The following TENM2 variants were observed in gnomAD, a reference collection of about 807,000 sequenced individuals.
TENM2 encodes teneurin transmembrane protein 2, also known as teneurin-2.
Under a neutral mutation model 245.2 loss-of-function variants are expected in TENM2, and 52 were observed. The observed-to-expected ratio is 0.21, with a 90% CI of 0.17 to 0.27. The LOEUF is 0.27. Among genes scored for constraint, TENM2 ranks in the 10% least tolerant of loss-of-function variants. The pLI, the probability that TENM2 is intolerant of heterozygous loss-of-function variation, is 1.00. For synonymous variants in TENM2, 1,363 were observed against 1,438.9 expected (o/e 0.95, Z 1.19); for missense variants, 3,046 against 3,666.8 (o/e 0.83, Z 4.37).
chr5:168,160,288 C>T (rs1053394102), intron 12 of TENM2, among the ~76,000 whole-genome samples: 10 of 152,138 alleles, frequency 6.6e-5, no homozygotes, highest in South Asian at 2.1e-4. Context: ...CAACTGGGGA[C>T]GGCTTTCCCT....
intron 6 of TENM2, among the ~76,000 whole-genome samples, chr5:168,058,163 C>G (rs1789720780): frequency 6.6e-6 from 1 of 152,196 alleles, no homozygotes; most frequent in Non-Finnish European, 1.5e-5. Flanking sequence ...TCGGCCTAGA[C>G]CGCAGCACAT....
In TENM2 at chr5:168,039,581, G is replaced by T. The variant is rs138129453; in HGVS notation, c.1187-7846G>T. ...GGAAAAAAATTGCAGCAGGAACGGG[G>T]TGGTCTGCGGTGGGAAACGACACTC... On this transcript the variant is annotated intron_variant, in intron 5 of 28. Coordinates refer to ENST00000518659, the Ensembl canonical transcript of TENM2. 7.2e-5 allele frequency among the ~76,000 whole-genome samples: 11 copies of T among 152,162 alleles called. No individual in the cohort carries two copies. In the East Asian group the frequency reaches 2.1e-3, roughly 29 times the overall value.
the TENM2 span, among the ~76,000 whole-genome samples, chr5:167,131,141 A>G: frequency 1.3e-5 from 2 of 152,100 alleles, no homozygotes; most frequent in African/African-American, 2.4e-5. Context: ...ATATCTCATC[A>G]TGGTTAGGTT....
chr5:167,555,517 C>A (rs1291846649), intron 2 of TENM2, among the ~76,000 whole-genome samples: 2 of 152,136 alleles, frequency 1.3e-5, no homozygotes, highest in Non-Finnish European at 2.9e-5. Flanking sequence ...GCTTTTTGTA[C>A]AACATAAGAA....
chr5:167,141,037 GC>G, the TENM2 span, among the ~76,000 whole-genome samples: 2 of 152,232 alleles, frequency 1.3e-5, no homozygotes, highest in East Asian at 3.9e-4. Flanking sequence ...TTTGCCTTCT[GC>G]CCCTGTCAGT....
chr5:167,644,271 C>T (rs2150260698), intron 2 of TENM2, among the ~76,000 whole-genome samples: 1 of 152,312 alleles, frequency 6.6e-6, no homozygotes, highest in East Asian at 1.9e-4. Context: ...AGGTGTTTCA[C>T]ATGAAATTCC....
chr5:168,189,662 A>G lies in TENM2; in HGVS notation c.2570-675A>G, dbSNP rs34094488. ...TAATACTCTCAGCACCCAGGTTTCC[A>G]ATTGGTCAGCAGTTCCCTTCCTGGC... is the stretch of plus-strand genomic sequence containing the variant. On this transcript the variant is annotated intron_variant, in intron 13 of 28. Coordinates refer to ENST00000518659, the Ensembl canonical transcript of TENM2. 1.9e-3 allele frequency among the ~76,000 whole-genome samples: 295 copies of G among 152,340 alleles called. 1 individual carries two copies. The highest frequency in any genetic ancestry group is 3.4e-3 in the Middle Eastern group (1 of 294).
intron 2 of TENM2, among the ~76,000 whole-genome samples, chr5:167,778,795 T>C (rs1019766832): frequency 6.6e-5 from 10 of 152,242 alleles, no homozygotes; most frequent in African/African-American, 2.2e-4. Flanking sequence ...AGGCTTATGA[T>C]GCCTTTCTTT....
At chr5:168,069,382 C>T (rs967199504) in intron 7 of TENM2, among the ~76,000 whole-genome samples, 7 of 152,124 alleles carry the variant, frequency 4.6e-5, no homozygotes, top group Non-Finnish European at 1.0e-4. Context: ...TCATTGAAGC[C>T]CCTCTCAGTA....
chr5:168,180,020 A>G (rs1759724217), intron 13 of TENM2, among the ~76,000 whole-genome samples: 1 of 152,166 alleles, frequency 6.6e-6, no homozygotes, highest in African/African-American at 2.4e-5. Flanking sequence ...GCTGGAGGAC[A>G]GGGGCTCTGA....
intron 2 of TENM2, among the ~76,000 whole-genome samples, chr5:167,521,274 A>G (rs1770738141): frequency 6.6e-6 from 1 of 152,162 alleles, no homozygotes; most frequent in African/African-American, 2.4e-5. Flanking sequence ...AACCAATAAA[A>G]TGCAAGTATA....
rs572821886 is a variant in TENM2 at position 167,766,917 on chromosome 5, A to G, written c.503-109069A>G. 3.9e-5 allele frequency among the ~76,000 whole-genome samples: 6 copies of G among 152,160 alleles called. No individual in the cohort carries two copies. In the East Asian group the frequency reaches 1.2e-3, roughly 29 times the overall value. On this transcript the variant is annotated intron_variant, in intron 2 of 28. Transcript: ENST00000518659. ...CAAAAACAAAAACAAAAAACAAAAA[A>G]CAAAAAAACTAGAACCCTCAAGCAT... is the stretch of plus-strand genomic sequence containing the variant.
chr5:168,084,067 C>T (rs1387709309), intron 7 of TENM2, among the ~76,000 whole-genome samples: 1 of 152,166 alleles, frequency 6.6e-6, no homozygotes, highest in Non-Finnish European at 1.5e-5. Context: ...TGGCCTCCAG[C>T]TACATCCATA....
At chr5:167,577,885 C>T (rs1485001523) in intron 2 of TENM2, among the ~76,000 whole-genome samples, 2 of 152,168 alleles carry the variant, frequency 1.3e-5, no homozygotes, top group Non-Finnish European at 2.9e-5. Flanking sequence ...CAGGTCTTAA[C>T]TCCCTCCCTT....
chr5:167,180,238 T>C, the TENM2 span, among the ~76,000 whole-genome samples: 2 of 151,102 alleles, frequency 1.3e-5, no homozygotes, highest in East Asian at 3.9e-4. Flanking sequence ...GCCTCCTGAG[T>C]AGCTGGGATT....
At chr5:167,089,687 C>T in the TENM2 span, among the ~76,000 whole-genome samples, 2 of 152,088 alleles carry the variant, frequency 1.3e-5, no homozygotes, top group South Asian at 4.1e-4. Context: ...TACCAAAACA[C>T]AAGTGCATTA....
At chr5:168,050,064 A>G (rs1199232289) in intron 6 of TENM2, among the ~76,000 whole-genome samples, 1 of 152,176 alleles carries the variant, frequency 6.6e-6, no homozygotes, top group East Asian at 1.9e-4. Context: ...CGGCCCCCCA[A>G]AGTGCTGGGA....
At chr5:167,349,640 A>T (rs964238446) in intron 1 of TENM2, among the ~76,000 whole-genome samples, 4 of 152,176 alleles carry the variant, frequency 2.6e-5, no homozygotes, top group Non-Finnish European at 5.9e-5. Context: ...CATGATCTGT[A>T]TATGTATATG....
At chr5:168,191,847 G>C (rs1760994570) in intron 14 of TENM2, among the ~76,000 whole-genome samples, 1 of 152,030 alleles carries the variant, frequency 6.6e-6, no homozygotes, top group Admixed American at 6.5e-5. Flanking sequence ...GGAAGGAATG[G>C]GTGTCAGCAC....
Sources: allele counts gnomAD v4.1 joint callset (sites outside exome capture counted in the v4.1 genomes callset), GRCh38; gene constraint gnomAD v4.1.1; transcripts MANE v1.5; gene names NCBI Gene and HGNC (gene_info 2026-07-23, HGNC 2026-07-21).